The following PTPRZ1 variants were observed in gnomAD, a reference collection of about 807,000 sequenced individuals.
PTPRZ1 encodes receptor-type tyrosine-protein phosphatase zeta.
In PTPRZ1, 82 loss-of-function variants were observed where a neutral mutation model predicts 214.1. The observed-to-expected ratio is 0.38, with a 90% CI of 0.32 to 0.46. The LOEUF is 0.46. Ranked by LOEUF, PTPRZ1 falls within the 20% of genes least tolerant of loss-of-function variation. The pLI, the probability that PTPRZ1 is intolerant of heterozygous loss-of-function variation, is 1.00. For missense variants in PTPRZ1, 2,603 were observed against 2,748.7 expected (o/e 0.95, Z 1.19); for synonymous variants, 945 against 987.9 (o/e 0.96, Z 0.81).
At chr7:121,981,419 G>A (rs2116560997) in intron 6 of PTPRZ1, among the ~76,000 whole-genome samples, 1 of 152,280 alleles carries the variant, frequency 6.6e-6, no homozygotes, top group African/African-American at 2.4e-5. Flanking sequence ...ACACGGATTG[G>A]CTTCAGGGAC....
intron 2 of PTPRZ1, among the ~76,000 whole-genome samples, chr7:121,932,732 G>A (rs960772474): frequency 6.6e-6 from 1 of 151,994 alleles, no homozygotes; most frequent in Non-Finnish European, 1.5e-5. Flanking sequence ...GCAATCACTT[G>A]AGCTAAAGTA....
chr7:122,031,481 C>A lies in PTPRZ1; in HGVS notation c.5088C>A (p.Val1696=), dbSNP rs371023137. The change falls in exon 15 of 30, where the codon GTC becomes GTA. Residue 1696 remains valine (V), a synonymous_variant. Coordinates refer to ENST00000393386, the MANE Select transcript of PTPRZ1 (RefSeq NM_002851.3). ...ATTTTTTTATTCACGTAGATGATGT[C>A]GGAGCAATTCCAATAAAGCACTTTC... ...PTPIFPISDD[V]GAIPIKHFPK... is the part of the protein sequence containing the mutation. The A allele has an allele frequency of 7.5e-6, 12 of 1,609,674 alleles. No homozygotes were observed. The Admixed American group carries it at 1.5e-4, about 20-fold the overall frequency.
chr7:122,026,004 G>A (rs1413217193), intron 13 of PTPRZ1, among the ~76,000 whole-genome samples: 2 of 152,180 alleles, frequency 1.3e-5, no homozygotes, highest in Non-Finnish European at 2.9e-5. Flanking sequence ...CTAAATATCT[G>A]TAAAATATAT....
intron 8 of PTPRZ1, among the ~76,000 whole-genome samples, chr7:121,984,824 A>G (rs1797718710): frequency 6.6e-6 from 1 of 151,704 alleles, no homozygotes; most frequent in African/African-American, 2.4e-5. Flanking sequence ...AGCATTTTTA[A>G]ATGTCCAGAG....
chr7:121,987,915 A>G (rs980914347), intron 8 of PTPRZ1, among the ~76,000 whole-genome samples: 3 of 152,228 alleles, frequency 2.0e-5, no homozygotes, highest in Non-Finnish European at 4.4e-5. Context: ...GAACTAATGC[A>G]GGGACAGAAA....
intron 1 of PTPRZ1, among the ~76,000 whole-genome samples, chr7:121,885,510 C>T (rs956522397): frequency 3.3e-5 from 5 of 152,132 alleles, no homozygotes; most frequent in Non-Finnish European, 7.3e-5. Context: ...ATCTGGGCAC[C>T]GTCCATCCCA....
rs183096902 is a variant in PTPRZ1, at chr7:121,957,329, G to A, written c.125-10622G>A. Reference sequence around the variant, plus strand: ...CCTTTCTCTTGGGCATGGTGGCGGCGATGGTGGTGGGATGTAGGTGCTGGG... The same window carrying A: ...CCTTTCTCTTGGGCATGGTGGCGGCAATGGTGGTGGGATGTAGGTGCTGGG... On this transcript the variant is annotated intron_variant, in intron 2 of 29. Transcript: ENST00000393386. Among the ~76,000 whole-genome samples the A allele has an allele frequency of 3.7e-3, 570 of 152,084 alleles. 2 individuals carry two copies. The highest frequency in any genetic ancestry group is 5.0e-3 in the Non-Finnish European group (343 of 67,952).
rs568517498 is a variant in PTPRZ1 at position 121,935,513 on chromosome 7, G to A, written c.124+7292G>A. On this transcript the variant is annotated intron_variant, in intron 2 of 29. Transcript: ENST00000393386. The stretch of plus-strand genomic sequence containing the variant: ...GTGGTTTTTGTTTGTTCGTTTGTTC[G>A]TTTGTTTTTGTTTTTGTTTTTTGGG... Among the ~76,000 whole-genome samples the A allele has an allele frequency of 3.6e-4, 54 of 150,802 alleles. 1 individual carries two copies. Among genetic ancestry groups the A allele is most frequent in the Non-Finnish European group, 4.4e-5 (3 of 67,792 alleles).
Position 121,909,830 on chromosome 7 carries a change from G to A in PTPRZ1, c.59-18326G>A, listed in dbSNP as rs1300061508. On this transcript the variant is annotated intron_variant, in intron 1 of 29. Transcript: ENST00000393386. ...ATGGAGTTAAATTACAGAAGAGATAGCTGAAAGAATTGAAAATGTGACCTG... is the reference window on the plus strand; with the variant it reads ...ATGGAGTTAAATTACAGAAGAGATAACTGAAAGAATTGAAAATGTGACCTG... Among the ~76,000 whole-genome samples, 6 of 152,166 alleles carry A rather than the reference G, an allele frequency of 3.9e-5. No individual in the cohort carries two copies. In the East Asian group the frequency reaches 1.2e-3, roughly 29 times the overall value.
chr7:122,060,201 T>C (rs1429740238), intron 29 of PTPRZ1, among the ~76,000 whole-genome samples: 1 of 152,182 alleles, frequency 6.6e-6, no homozygotes, highest in Non-Finnish European at 1.5e-5. Flanking sequence ...AAGGGCCTTA[T>C]AAAGGGACCT....
chr7:121,997,845 T>A (rs1433825212), intron 9 of PTPRZ1, 35 bp from the exon 10 acceptor site: 2 of 1,576,058 alleles, frequency 1.3e-6, no homozygotes, highest in Non-Finnish European at 1.7e-6. Context: ...CCTATGAGAA[T>A]AACATTTGTA....
At chr7:122,041,264 T>C (rs1157263886) in intron 21 of PTPRZ1, among the ~76,000 whole-genome samples, 1 of 152,218 alleles carries the variant, frequency 6.6e-6, no homozygotes, top group Non-Finnish European at 1.5e-5. Context: ...GGTGGAACAA[T>C]GTTTTTGTTG....
At chr7:121,963,627 A>G (rs1796947040) in intron 2 of PTPRZ1, among the ~76,000 whole-genome samples, 1 of 152,244 alleles carries the variant, frequency 6.6e-6, no homozygotes, top group Non-Finnish European at 1.5e-5. Context: ...GGTTTTTACT[A>G]TTATAATGAG....
intron 1 of PTPRZ1, among the ~76,000 whole-genome samples, chr7:121,912,203 T>G (rs958648665): frequency 6.6e-6 from 1 of 152,158 alleles, no homozygotes; most frequent in Non-Finnish European, 1.5e-5. Flanking sequence ...TGCAACCATT[T>G]TATATGAAAA....
intron 13 of PTPRZ1, among the ~76,000 whole-genome samples, chr7:122,022,864 A>G (rs1309142881): frequency 1.3e-5 from 2 of 152,200 alleles, no homozygotes; most frequent in African/African-American, 4.8e-5. Context: ...TGGTACTGCC[A>G]TAAGAATAGA....
chr7:122,045,079 G>T (rs976123052), intron 23 of PTPRZ1, among the ~76,000 whole-genome samples: 1 of 152,146 alleles, frequency 6.6e-6, no homozygotes, highest in Non-Finnish European at 1.5e-5. Context: ...CCAGAGACAA[G>T]AGCATGTTTT....
At chr7:122,024,303 CCAA>C (rs1799140933) in intron 13 of PTPRZ1, among the ~76,000 whole-genome samples, 1 of 151,066 alleles carries the variant, frequency 6.6e-6, no homozygotes. Context: ...CTAAAAAGTA[CCAA>C]AGGTATACCC....
chr7:121,907,759 A>G (rs1225485045), intron 1 of PTPRZ1, among the ~76,000 whole-genome samples: 5 of 151,598 alleles, frequency 3.3e-5, no homozygotes, highest in African/African-American at 7.3e-5. Flanking sequence ...AAATAAATAA[A>G]CTTCACAAAT....
At chr7:121,949,433 T>C (rs1796488538) in intron 2 of PTPRZ1, among the ~76,000 whole-genome samples, 1 of 152,190 alleles carries the variant, frequency 6.6e-6, no homozygotes, top group East Asian at 1.9e-4. Flanking sequence ...AATGATAAAG[T>C]TGAAGGCATG....
Sources: gnomAD v4.1 joint callset for allele counts (sites outside exome capture counted in the v4.1 genomes callset) on GRCh38, gnomAD v4.1.1 for gene constraint, MANE v1.5 for transcripts, NCBI Gene and HGNC (gene_info 2026-07-23, HGNC 2026-07-21) for gene names.